Variants in TC2N observed in about 807,000 individuals in gnomAD.
TC2N encodes tandem C2 domains nuclear protein.
Under a neutral mutation model 61.9 loss-of-function variants are expected in TC2N, and 51 were observed. The observed-to-expected ratio is 0.82, with a 90% CI of 0.66 to 1.04. The LOEUF (loss-of-function observed/expected upper bound fraction) is 1.04, where lower values mean the gene tolerates loss of function less well. Among genes scored for constraint, TC2N ranks in the 50% least tolerant of loss-of-function variants. TC2N has a pLI of 0.00. For missense variants in TC2N, 556 were observed against 566.7 expected, an observed-to-expected ratio of 0.98 and a Z score of 0.19; for synonymous variants, 204 against 192.6, an observed-to-expected ratio of 1.06 and a Z score of -0.49.
chr14:91,786,159 T>C (rs913983034), intron 10 of TC2N, among the ~76,000 whole-genome samples: 1 of 152,040 alleles, frequency 6.6e-6, no homozygotes, highest in Non-Finnish European at 1.5e-5. Context: ...GAATGAAGAG[T>C]TGTGGTCATC....
At chr14:91,857,610 C>A (rs1040765964) in intron 1 of TC2N, among the ~76,000 whole-genome samples, 1 of 152,192 alleles carries the variant, frequency 6.6e-6, no homozygotes, top group South Asian at 2.1e-4. Context: ...AAAAGTGAGG[C>A]TCAAAGAACC....
chr14:91,828,480 A>G (rs1887599667), intron 1 of TC2N, among the ~76,000 whole-genome samples: 2 of 152,008 alleles, frequency 1.3e-5, no homozygotes, highest in African/African-American at 2.4e-5. Context: ...TTTATATTAT[A>G]TATCTCTTTT....
chr14:91,819,665 C>A (rs1339514771), intron 1 of TC2N, among the ~76,000 whole-genome samples: 1 of 151,976 alleles, frequency 6.6e-6, no homozygotes, highest in African/African-American at 2.4e-5. Flanking sequence ...ATTGGGATTT[C>A]TTTACAAGTT....
chr14:91,851,373 T>C (rs1888371836), intron 1 of TC2N, among the ~76,000 whole-genome samples: 1 of 152,202 alleles, frequency 6.6e-6, no homozygotes, highest in African/African-American at 2.4e-5. Context: ...AAACAAGCTG[T>C]AAAGTGAGTG....
At position 91,864,960 on chromosome 14, in the gene TC2N, T is replaced by C. The variant is rs542271977; in HGVS notation, c.-57+2302A>G. Among the ~76,000 whole-genome samples the C allele has an allele frequency of 1.4e-4, 22 of 152,200 alleles. No individual in the cohort carries two copies. In the South Asian group the frequency reaches 2.3e-3, roughly 16 times the overall value. On this transcript the variant is annotated intron_variant, in intron 1 of 11. Transcript: ENST00000435962. Reference sequence around the variant, plus strand: ...CACTCCCACCTAATTTTTGTATTTTTAGTAGAGACGGGTTTCACCATGTCG... The same window carrying C: ...CACTCCCACCTAATTTTTGTATTTTCAGTAGAGACGGGTTTCACCATGTCG...
chr14:91,812,314 T>G lies in TC2N; in HGVS notation c.299A>C (p.Glu100Ala). Residue 100 changes from glutamate (E) to alanine (A), a missense_variant and splice_region_variant, in exon 3 of 12, where the codon GAA becomes GCA. Glu to Ala is a moderately radical substitution (Grantham distance 107). Coordinates refer to ENST00000435962, the MANE Select transcript of TC2N (RefSeq NM_001128596.3). The stretch of plus-strand genomic sequence containing the variant: ...AATACTGCTATTTTATTGTTTACCT[T>G]CAAGTTCTTCCAGATGTGAAGGAGT... ...QETPSHLEEL[E>A]GSARASFGDR... The G allele has an allele frequency of 6.3e-7, 1 of 1,575,376 alleles. No individual in the cohort carries two copies. The highest frequency in any genetic ancestry group is 1.7e-4 in the Middle Eastern group (1 of 5,924).
intron 1 of TC2N, among the ~76,000 whole-genome samples, chr14:91,833,140 T>A (rs550517973): frequency 6.6e-6 from 1 of 152,334 alleles, no homozygotes; most frequent in South Asian, 2.1e-4. Flanking sequence ...GTTGGTTATG[T>A]ATATTTCTTA....
At chr14:91,797,226 T>C (rs907581482) in intron 8 of TC2N, among the ~76,000 whole-genome samples, 2 of 152,068 alleles carry the variant, frequency 1.3e-5, no homozygotes, top group African/African-American at 4.8e-5. Flanking sequence ...AGAAACTTTT[T>C]ATATGTTTAT....
chr14:91,783,262 A>G (rs768353840), intron 11 of TC2N, 52 bp from the exon 12 acceptor site: 8 of 1,019,498 alleles, frequency 7.8e-6, no homozygotes, highest in Non-Finnish European at 1.0e-5. Flanking sequence ...AATAATAACT[A>G]CATTCAGACA....
chr14:91,838,072 CA>C lies in TC2N; in HGVS notation c.-56-24248del, dbSNP rs539283862. Among the ~76,000 whole-genome samples the C allele has an allele frequency of 3.8e-3, 582 of 151,662 alleles. 6 individuals carry two copies. Among genetic ancestry groups the C allele is most frequent in the African/African-American group, 0.013 (550 of 41,322 alleles). ...GTTAGTGGTTGCCCAAACATACAGT[CA>C]AGATTTGAATCTGAACTTTGAACTC... is the stretch of plus-strand genomic sequence containing the variant. On this transcript the variant is annotated intron_variant, in intron 1 of 11. Transcript: ENST00000435962.
chr14:91,824,252 G>T (rs986774684), intron 1 of TC2N, among the ~76,000 whole-genome samples: 1 of 152,140 alleles, frequency 6.6e-6, no homozygotes, highest in South Asian at 2.1e-4. Context: ...AAAAGCAGGG[G>T]CCTCCATGAC....
chr14:91,864,423 C>T (rs549014273), intron 1 of TC2N, among the ~76,000 whole-genome samples: 1 of 152,222 alleles, frequency 6.6e-6, no homozygotes, highest in South Asian at 2.1e-4. Context: ...AGAACGTTCA[C>T]AAATAAAACA....
intron 11 of TC2N, among the ~76,000 whole-genome samples, chr14:91,784,602 G>A (rs1172276040): frequency 6.6e-6 from 1 of 152,092 alleles, no homozygotes; most frequent in East Asian, 1.9e-4. Flanking sequence ...GTAAGGAAAG[G>A]AAACAAGTTC....
intron 1 of TC2N, among the ~76,000 whole-genome samples, chr14:91,823,597 G>A (rs1013534599): frequency 6.6e-6 from 1 of 151,182 alleles, no homozygotes; most frequent in Admixed American, 6.6e-5. Context: ...AATGAGTCAA[G>A]CAACTAGATA....
intron 1 of TC2N, among the ~76,000 whole-genome samples, chr14:91,853,898 T>A (rs1336437113): frequency 2.6e-5 from 4 of 152,114 alleles, no homozygotes; most frequent in Non-Finnish European, 5.9e-5. Context: ...GCATTGTTTG[T>A]GCAAACTTTT....
rs963805199 is a variant in TC2N at position 91,864,936 on chromosome 14, A to T, written c.-57+2326T>A. The stretch of plus-strand genomic sequence containing the variant: ...GCTGGGATTATAGGTGTGTGCCACC[A>T]CTCCCACCTAATTTTTGTATTTTTA... On this transcript the variant is annotated intron_variant, in intron 1 of 11. Transcript: ENST00000435962. Among the ~76,000 whole-genome samples the T allele has an allele frequency of 2.0e-5, 3 of 151,428 alleles. No individual in the cohort carries two copies. In the East Asian group the frequency reaches 5.8e-4, roughly 29 times the overall value.
At chr14:91,835,251 T>TA (rs1017491373) in intron 1 of TC2N, among the ~76,000 whole-genome samples, 5 of 152,298 alleles carry the variant, frequency 3.3e-5, no homozygotes, top group African/African-American at 4.8e-5. Flanking sequence ...AAAGAGATGA[T>TA]AAAAAGCAAA....
At chr14:91,857,538 C>T (rs1888506430) in intron 1 of TC2N, among the ~76,000 whole-genome samples, 1 of 152,184 alleles carries the variant, frequency 6.6e-6, no homozygotes, top group Non-Finnish European at 1.5e-5. Flanking sequence ...CACCTCCACA[C>T]ACATCATCTT....
At chr14:91,825,066 C>T (rs1370167027) in intron 1 of TC2N, among the ~76,000 whole-genome samples, 10 of 115,210 alleles carry the variant, frequency 8.7e-5, no homozygotes, top group South Asian at 6.1e-4. Context: ...GATGGAGTCT[C>T]GCTCTGTCAT....
Sources: gnomAD v4.1 joint callset for allele counts (sites outside exome capture counted in the v4.1 genomes callset) on GRCh38, gnomAD v4.1.1 for gene constraint, MANE v1.5 for transcripts, NCBI Gene and HGNC (gene_info 2026-07-23, HGNC 2026-07-21) for gene names.